Variants in NBEAL1 observed in about 807,000 individuals in gnomAD.
The protein encoded by NBEAL1 is neurobeachin like 1.
Under a neutral mutation model 351.3 loss-of-function variants are expected in NBEAL1, and 273 were observed. The ratio of observed to expected loss-of-function variants is 0.78; its 90% CI spans 0.70 to 0.86. The LOEUF is 0.86. NBEAL1 is among the 40% of genes least tolerant of loss of function. NBEAL1 has a pLI of 0.00. For synonymous variants in NBEAL1, 1,050 were observed against 1,086.4 expected (o/e 0.97, Z 0.66); for missense variants, 2,961 against 3,201.3 (o/e 0.92, Z 1.81).
At chr2:203,156,389 C>G (rs2063799122) in intron 35 of NBEAL1, among the ~76,000 whole-genome samples, 1 of 152,186 alleles carries the variant, frequency 6.6e-6, no homozygotes, top group African/African-American at 2.4e-5. Flanking sequence ...CCATCCTTCA[C>G]CAATCTTTCA....
At chr2:203,196,209 G>C (rs541256618) in intron 47 of NBEAL1, among the ~76,000 whole-genome samples, 252 of 152,264 alleles carry the variant, frequency 1.7e-3, no homozygotes, top group African/African-American at 4.6e-3. Context: ...TTGTAATATA[G>C]TACATTCCAA....
At chr2:203,126,746 A>G (rs1474694003) in intron 22 of NBEAL1, 30 bp downstream of exon 22, 12 of 1,516,454 alleles carry the variant, frequency 7.9e-6, no homozygotes, top group Non-Finnish European at 9.7e-6. Flanking sequence ...TAAACATTTT[A>G]TAGTTGTTTT....
intron 16 of NBEAL1, among the ~76,000 whole-genome samples, chr2:203,112,551 G>T (rs1403373446): frequency 1.3e-5 from 2 of 152,142 alleles, no homozygotes. Flanking sequence ...AAGAACACTA[G>T]AGGGCCTTTT....
chr2:203,030,860 C>T (rs1451401465), intron 2 of NBEAL1, among the ~76,000 whole-genome samples: 3 of 152,026 alleles, frequency 2.0e-5, no homozygotes, highest in African/African-American at 7.2e-5. Flanking sequence ...AAAAAAAATT[C>T]AAAAATTAGC....
At position 203,157,715 on chromosome 2, in the gene NBEAL1, G is replaced by A; in HGVS notation, c.5604G>A (p.Gln1868=). The A allele has an allele frequency of 6.3e-7, 1 of 1,595,956 alleles. No homozygotes were observed. The highest frequency in any genetic ancestry group is 8.5e-7 in the Non-Finnish European group (1 of 1,172,970). Residue 1868 remains glutamine (Q), a synonymous_variant, in exon 36 of 56, where the codon CAG becomes CAA. Coordinates refer to ENST00000683969, the MANE Select transcript of NBEAL1 (RefSeq NM_001378026.1). ...LRDNLGIQHS[Q]PSSDTLLLEV... Reference sequence around the variant, plus strand: ...TTAAAACAGGTATCCAACACTCACAGCCTTCCAGTGATACATTGCTTTTGG... The same window carrying A: ...TTAAAACAGGTATCCAACACTCACAACCTTCCAGTGATACATTGCTTTTGG...
intron 16 of NBEAL1, among the ~76,000 whole-genome samples, chr2:203,112,349 G>A (rs2062593188): frequency 6.6e-6 from 1 of 152,118 alleles, no homozygotes; most frequent in African/African-American, 2.4e-5. Flanking sequence ...CTTATAACAG[G>A]AAAGCCAAAG....
At chr2:203,188,211 A>C (rs2064967730) in intron 44 of NBEAL1, among the ~76,000 whole-genome samples, 2 of 152,056 alleles carry the variant, frequency 1.3e-5, no homozygotes, top group African/African-American at 4.8e-5. Context: ...TGTTATAAGC[A>C]TATTTGTGTT....
chr2:203,110,866 A>G (rs2062556731), intron 15 of NBEAL1, among the ~76,000 whole-genome samples: 1 of 149,074 alleles, frequency 6.7e-6, no homozygotes, highest in Non-Finnish European at 1.5e-5. Flanking sequence ...CCCGGGTTCA[A>G]GCAATTCTCC....
At chr2:203,213,210 A>C (rs1468784645) in intron 54 of NBEAL1, among the ~76,000 whole-genome samples, 1 of 152,198 alleles carries the variant, frequency 6.6e-6, no homozygotes, top group Non-Finnish European at 1.5e-5. Context: ...AAAGAGTAAG[A>C]TTCTCTAGGA....
chr2:203,097,089 G>C (rs2062201637), intron 10 of NBEAL1, among the ~76,000 whole-genome samples: 1 of 152,196 alleles, frequency 6.6e-6, no homozygotes, highest in Non-Finnish European at 1.5e-5. Context: ...CAAGAGAAGA[G>C]AGATTGTGCA....
At chr2:203,117,569 C>G (rs1028894022) in intron 18 of NBEAL1, among the ~76,000 whole-genome samples, 1 of 152,174 alleles carries the variant, frequency 6.6e-6, no homozygotes, top group Non-Finnish European at 1.5e-5. Flanking sequence ...TTTTCTTCCT[C>G]CCAGTTCTTT....
At chr2:203,140,318 A>C (rs1394155742) in intron 31 of NBEAL1, among the ~76,000 whole-genome samples, 2 of 151,792 alleles carry the variant, frequency 1.3e-5, no homozygotes, top group Non-Finnish European at 2.9e-5. Flanking sequence ...AAAAAAAAAG[A>C]AAATACACAA....
chr2:203,197,433 T>A (rs2065269442), intron 48 of NBEAL1, 42 bp downstream of exon 48: 1 of 1,226,792 alleles, frequency 8.2e-7, no homozygotes, highest in South Asian at 1.3e-5. Flanking sequence ...ATGCCTATAT[T>A]CATTACAACT....
At chr2:203,058,032 C>T (rs541967690) in intron 6 of NBEAL1, among the ~76,000 whole-genome samples, 6 of 151,622 alleles carry the variant, frequency 4.0e-5, no homozygotes, top group Non-Finnish European at 5.9e-5. Context: ...TTAGTAGAGA[C>T]GGGATTTCAC....
At chr2:203,033,478 A>G (rs185087711) in intron 2 of NBEAL1, among the ~76,000 whole-genome samples, 3 of 152,340 alleles carry the variant, frequency 2.0e-5, no homozygotes, top group African/African-American at 7.2e-5. Context: ...CTGTATCTGG[A>G]TATACTTTTA....
intron 1 of NBEAL1, chr2:203,015,806 A>C (rs894428199): frequency 6.6e-5 from 10 of 152,274 alleles, no homozygotes; most frequent in African/African-American, 2.2e-4. Context: ...ACATTCTAAG[A>C]GCTTTGATGT....
intron 6 of NBEAL1, among the ~76,000 whole-genome samples, chr2:203,064,780 A>G (rs1449458985): frequency 1.3e-5 from 2 of 152,206 alleles, no homozygotes; most frequent in East Asian, 3.8e-4. Context: ...AAATGCTACA[A>G]AGGATGTTAG....
chr2:203,176,557 C>T (rs1221390591), intron 42 of NBEAL1, among the ~76,000 whole-genome samples: 3 of 151,456 alleles, frequency 2.0e-5, no homozygotes, highest in African/African-American at 7.3e-5. Flanking sequence ...TGGTGAAACC[C>T]CGTCTCTACT....
At position 203,214,014 on chromosome 2, in the gene NBEAL1, A is replaced by C. The variant is rs143547169; in HGVS notation, c.8070+361A>C. ...ACTTTAGTTTTAACAAATACTCATC[A>C]TAACTATTTGTCAGTTGTTCTTTTG... On this transcript the variant is annotated intron_variant, in intron 55 of 55. Coordinates refer to ENST00000683969, the MANE Select transcript of NBEAL1 (RefSeq NM_001378026.1). 3.3e-5 allele frequency among the ~76,000 whole-genome samples: 5 copies of C among 152,356 alleles called. No homozygotes were observed. The East Asian group carries it at 9.6e-4, about 29-fold the overall frequency.
Sources: allele counts gnomAD v4.1 joint callset (sites outside exome capture counted in the v4.1 genomes callset), GRCh38; gene constraint gnomAD v4.1.1; transcripts MANE v1.5; gene names NCBI Gene and HGNC (gene_info 2026-07-23, HGNC 2026-07-21).